Variants in IGSF3 observed in about 807,000 individuals in gnomAD.
IGSF3 encodes the protein immunoglobulin superfamily member 3, also known as glu-Trp-Ile EWI motif-containing protein 3.
A neutral mutation model predicts 114.4 loss-of-function variants in IGSF3; 23 were observed. That is an observed-to-expected ratio of 0.20 (90% CI 0.14 to 0.28). The LOEUF (loss-of-function observed/expected upper bound fraction) is 0.28. Among genes scored for constraint, IGSF3 ranks in the 10% least tolerant of loss-of-function variants. IGSF3 has a pLI of 1.00. For missense variants in IGSF3, 1,172 were observed against 1,591.5 expected (o/e 0.74, Z 4.48); for synonymous variants, 571 against 645.2 (o/e 0.88, Z 1.74).
rs2101478258 is a variant in IGSF3 at position 116,610,281 on chromosome 1, C to A, written c.833-1950G>T. On this transcript the variant is annotated intron_variant, in intron 4 of 10. Transcript: ENST00000369486. This position sits in a 1 kb window ranked among gnomAD's most constrained non-coding sequence, Gnocchi z 4.3. The stretch of plus-strand genomic sequence containing the variant: ...GAGCTGTGCAAGGGGTACCCTAGAC[C>A]TCAGACCTTTCCGTTGCTCCAGGTT... 2.6e-5 allele frequency among the ~76,000 whole-genome samples: 4 copies of A among 152,316 alleles called. No individual in the cohort carries two copies. Among genetic ancestry groups the A allele is most frequent in the Middle Eastern group, 6.8e-3 (2 of 294 alleles).
rs1250147827 is a variant in IGSF3, at chr1:116,634,124, A to C, written c.44-17667T>G. Among the ~76,000 whole-genome samples the C allele has an allele frequency of 6.6e-6, 1 of 152,276 alleles. No individual in the cohort carries two copies. Among genetic ancestry groups the C allele is most frequent in the Non-Finnish European group, 1.5e-5 (1 of 68,054 alleles). ...GAAGAATTAGGTCAGAAGCAGACTT[A>C]ATTTGCACTGTGTACATCCTTCGGT... On this transcript the variant is annotated intron_variant, in intron 2 of 10. Coordinates refer to ENST00000369486, the MANE Select transcript of IGSF3 (RefSeq NM_001007237.3). The surrounding 1 kb of genome is among the most constrained non-coding windows in gnomAD (Gnocchi z 4.2).
chr1:116,630,312 T>C lies in IGSF3; in HGVS notation c.44-13855A>G, dbSNP rs529660902. On this transcript the variant is annotated intron_variant, in intron 2 of 10. Transcript: ENST00000369486. ...AGACAAAAGGCACAATGAGATGTAG[T>C]CTCCTGAAGTAGAGGCTTTCTCTCT... 2.5e-3 allele frequency among the ~76,000 whole-genome samples: 377 copies of C among 152,316 alleles called. 2 individuals carry two copies. The highest frequency in any genetic ancestry group is 8.5e-3 in the African/African-American group (354 of 41,568).
chr1:116,581,553 G>A (rs113464733), intron 9 of IGSF3, among the ~76,000 whole-genome samples: 3 of 151,930 alleles, frequency 2.0e-5, no homozygotes, highest in East Asian at 3.9e-4. Context: ...GCTTAGTGTC[G>A]CTCACAGGTG....
At position 116,589,532 on chromosome 1, in the gene IGSF3, T is replaced by G. The variant is rs1415272892; in HGVS notation, c.2030-428A>C. On this transcript the variant is annotated intron_variant, in intron 7 of 10. Coordinates refer to ENST00000369486, the MANE Select transcript of IGSF3 (RefSeq NM_001007237.3). The surrounding 1 kb of genome is among the most constrained non-coding windows in gnomAD (Gnocchi z 5.7). ...AGTGTCCTGACTCATCTCTCACGAC[T>G]CACCCTCAGGCACCCTCCACAGGCG... Among the ~76,000 whole-genome samples the G allele has an allele frequency of 1.3e-5, 2 of 152,074 alleles. No homozygotes were observed. The highest frequency in any genetic ancestry group is 2.9e-5 in the Non-Finnish European group (2 of 68,014).
chr1:116,645,470 A>G (rs1571187330), intron 2 of IGSF3, among the ~76,000 whole-genome samples: 2 of 152,224 alleles, frequency 1.3e-5, no homozygotes, highest in Admixed American at 6.5e-5. Flanking sequence ...AGAATTACAT[A>G]TTTTAAACTG....
At position 116,577,494 on chromosome 1, in the gene IGSF3, G is replaced by C; in HGVS notation, c.3403C>G (p.Pro1135Ala). The C allele has an allele frequency of 6.2e-7, 1 of 1,614,170 alleles. No homozygotes were observed. The highest frequency in any genetic ancestry group is 8.5e-7 in the Non-Finnish European group (1 of 1,180,014). The stretch of plus-strand genomic sequence containing the variant: ...GTGATGATAAGAATGCCAAAGATGG[G>C]GAAAGGGTAGAAGAAGACGAAGTAG... ...LFYFVFFYPF[P>A]IFGILIITIL... The change falls in exon 11 of 11, where the codon CCC (proline) becomes GCC (alanine). Residue 1135 changes from proline to alanine, a missense_variant. Pro to Ala is a conservative substitution (Grantham distance 27). Around this residue, in one of 3 missense-constraint regions of IGSF3, gnomAD observed 423 missense variants for 509.8 expected, o/e 0.83. Transcript: ENST00000369486. The surrounding 1 kb of genome is among the most constrained non-coding windows in gnomAD (Gnocchi z 5.7).
rs1659672380 is a variant in IGSF3 at position 116,583,208 on chromosome 1, C to G, written c.2848+1437G>C. On this transcript the variant is annotated intron_variant, in intron 9 of 10. Coordinates refer to ENST00000369486, the MANE Select transcript of IGSF3 (RefSeq NM_001007237.3). This position sits in a 1 kb window ranked among gnomAD's most constrained non-coding sequence, Gnocchi z 4.5. The stretch of plus-strand genomic sequence containing the variant: ...TGTACTCAATAAACATCTGTCTCCT[C>G]CCACTCCATCTGGGAGCCTCAGTGT... Among the ~76,000 whole-genome samples the G allele has an allele frequency of 6.6e-6, 1 of 152,210 alleles. No homozygotes were observed. Among genetic ancestry groups the G allele is most frequent in the African/African-American group, 2.4e-5 (1 of 41,452 alleles).
At position 116,624,313 on chromosome 1, in the gene IGSF3, G is replaced by A. The variant is rs572864513; in HGVS notation, c.44-7856C>T. 9.9e-5 allele frequency among the ~76,000 whole-genome samples: 15 copies of A among 152,172 alleles called. No individual in the cohort carries two copies. In the South Asian group the frequency reaches 2.9e-3, roughly 29 times the overall value. ...GTTTGGATCGAATTCCTAAGTCTTC[G>A]CCTTCACTGACTTCCCACAGCATGG... On this transcript the variant is annotated intron_variant, in intron 2 of 10. Coordinates refer to ENST00000369486, the MANE Select transcript of IGSF3 (RefSeq NM_001007237.3). The surrounding 1 kb of genome is among the most constrained non-coding windows in gnomAD (Gnocchi z 4.9).
intron 2 of IGSF3, among the ~76,000 whole-genome samples, chr1:116,652,548 C>T (rs1648676220): frequency 6.6e-6 from 1 of 152,104 alleles, no homozygotes; most frequent in Non-Finnish European, 1.5e-5. Context: ...TTGCAAGACA[C>T]CTTGGTAGCA....
intron 2 of IGSF3, among the ~76,000 whole-genome samples, chr1:116,663,082 C>A (rs767731545): frequency 2.0e-5 from 3 of 152,230 alleles, no homozygotes; most frequent in Non-Finnish European, 2.9e-5. Context: ...CAATCTCCTA[C>A]ATTTTTCATT....
intron 2 of IGSF3, among the ~76,000 whole-genome samples, chr1:116,640,871 T>C (rs1160548945): frequency 6.6e-6 from 1 of 152,272 alleles, no homozygotes; most frequent in Admixed American, 6.5e-5. Context: ...TTGATGCCTT[T>C]GTCAACCTTG....
At position 116,610,337 on chromosome 1, in the gene IGSF3, C is replaced by A. The variant is rs13373773; in HGVS notation, c.833-2006G>T. Among the ~76,000 whole-genome samples, 1,787 of 152,280 alleles carry A rather than the reference C, an allele frequency of 0.012. 44 individuals are homozygous for A. The highest frequency in any genetic ancestry group is 0.041 in the African/African-American group (1,707 of 41,542). The stretch of plus-strand genomic sequence containing the variant: ...GGCTGTAACTCTGGCTTTCTTCTTT[C>A]GGCGGCCAAAGACTCTTCTCATCTC... On this transcript the variant is annotated intron_variant, in intron 4 of 10. Coordinates refer to ENST00000369486, the MANE Select transcript of IGSF3 (RefSeq NM_001007237.3). The surrounding 1 kb of genome is among the most constrained non-coding windows in gnomAD (Gnocchi z 4.3).
rs1183352707 is a variant in IGSF3 at position 116,618,327 on chromosome 1, G to A, written c.44-1870C>T. Among the ~76,000 whole-genome samples the A allele has an allele frequency of 6.6e-6, 1 of 152,194 alleles. No homozygotes were observed. Among genetic ancestry groups the A allele is most frequent in the Non-Finnish European group, 1.5e-5 (1 of 68,036 alleles). ...TAATTATGATATTTAAAGTAACCAT[G>A]AGGACAACTCATTAGTAATATCAGT... On this transcript the variant is annotated intron_variant, in intron 2 of 10. Coordinates refer to ENST00000369486, the MANE Select transcript of IGSF3 (RefSeq NM_001007237.3). This position sits in a 1 kb window ranked among gnomAD's most constrained non-coding sequence, Gnocchi z 4.7.
At chr1:116,580,634 A>T (rs982686414) in intron 9 of IGSF3, among the ~76,000 whole-genome samples, 4 of 152,284 alleles carry the variant, frequency 2.6e-5, no homozygotes, top group African/African-American at 4.8e-5. Context: ...AGCTCTTACC[A>T]GAACTTAGCC....
Position 116,584,564 on chromosome 1 carries a change from T to G in IGSF3, c.2848+81A>C. 1.5e-6 allele frequency: 2 copies of G among 1,308,896 alleles called. No homozygotes were observed. Among genetic ancestry groups the G allele is most frequent in the Non-Finnish European group, 2.2e-6 (2 of 921,486 alleles). The allele number at this position is 1,308,896 out of a possible 1,614,324, so 81.1% of individuals were successfully genotyped here. ...AACTGCAAATAATTTATTAATAAAC[T>G]AATTTTATCCAGTGCATAAAACAGT... On this transcript the variant is annotated intron_variant, in intron 9 of 10. Transcript: ENST00000369486. The surrounding 1 kb of genome is among the most constrained non-coding windows in gnomAD (Gnocchi z 5.8).
In IGSF3 at chr1:116,589,635, C is replaced by T. The variant is rs911605235; in HGVS notation, c.2030-531G>A. On this transcript the variant is annotated intron_variant, in intron 7 of 10. Transcript: ENST00000369486. The surrounding 1 kb of genome is among the most constrained non-coding windows in gnomAD (Gnocchi z 5.7). ...TCTGCCTGTCTCCTTCTGCCACCTC[C>T]CACCCTGACCCTTCTCTCCACTTAT... is the stretch of plus-strand genomic sequence containing the variant. Among the ~76,000 whole-genome samples the T allele has an allele frequency of 5.9e-5, 9 of 152,246 alleles. No individual in the cohort carries two copies. The highest frequency in any genetic ancestry group is 4.2e-4 in the South Asian group (2 of 4,818).
At position 116,592,361 on chromosome 1, in the gene IGSF3, G is replaced by A. The variant is rs1660149391; in HGVS notation, c.2030-3257C>T. On this transcript the variant is annotated intron_variant, in intron 7 of 10. Transcript: ENST00000369486. The surrounding 1 kb of genome is among the most constrained non-coding windows in gnomAD (Gnocchi z 4.5). ...AAGAATCCAGCAAGAGACAGGAAGA[G>A]GGTCCGAGAGTTGCTCCAGCTCACG... Among the ~76,000 whole-genome samples, 1 of 152,252 alleles carries A rather than the reference G, an allele frequency of 6.6e-6. No homozygotes were observed. The highest frequency in any genetic ancestry group is 2.4e-5 in the African/African-American group (1 of 41,460).
rs1481244365 is a variant in IGSF3 at position 116,667,623 on chromosome 1, C to T, written c.-636G>A. On this transcript the variant is annotated 5_prime_UTR_variant, in exon 1 of 11. Coordinates refer to ENST00000369486, the MANE Select transcript of IGSF3 (RefSeq NM_001007237.3). ...GCGCCCCCGCCGAGCCTGACCTCGC[C>T]CCTGGCCCTCTCCCTCCGCGCGCGT... 2 of 151,620 alleles carry T rather than the reference C, an allele frequency of 1.3e-5. No individual in the cohort carries two copies. The highest frequency in any genetic ancestry group is 6.6e-5 in the Admixed American group (1 of 15,188). 9.4% of individuals were successfully genotyped at this position (151,620 alleles called of 1,614,324 possible).
chr1:116,630,892 T>C (rs959093076), intron 2 of IGSF3, among the ~76,000 whole-genome samples: 11 of 152,124 alleles, frequency 7.2e-5, no homozygotes, highest in Non-Finnish European at 2.9e-5. Context: ...CAGAGCTGCA[T>C]GAGGAGCTGG....
Sources: allele counts gnomAD v4.1 joint callset (sites outside exome capture counted in the v4.1 genomes callset), GRCh38; gene constraint gnomAD v4.1.1; regional missense constraint gnomAD v4.1.1; non-coding constraint Gnocchi (gnomAD v3.1); transcripts MANE v1.5; gene names NCBI Gene and HGNC (gene_info 2026-07-23, HGNC 2026-07-21).